Variants in TBC1D5 observed in about 807,000 individuals in gnomAD.
The protein encoded by TBC1D5 is TBC1 domain family member 5, also known as TBC1 domain family, member 5.
Under a neutral mutation model 100.3 loss-of-function variants are expected in TBC1D5, and 75 were observed. The observed-to-expected ratio is 0.75, with a 90% CI of 0.62 to 0.91. The LOEUF is 0.91. TBC1D5 is among the 40% of genes least tolerant of loss of function. The pLI is 0.00. For missense variants in TBC1D5, 910 were observed against 942.4 expected (o/e 0.97, Z 0.45); for synonymous variants, 323 against 325.6 (o/e 0.99, Z 0.09).
intron 8 of TBC1D5, among the ~76,000 whole-genome samples, chr3:17,401,307 C>G (rs2093638929): frequency 8.2e-6 from 1 of 122,448 alleles, no homozygotes; most frequent in African/African-American, 3.5e-5. Context: ...GTATAATACA[C>G]ATATATATGT....
At position 17,433,040 on chromosome 3, in the gene TBC1D5, C is replaced by T. The variant is rs538856994; in HGVS notation, c.98-4521G>A. Among the ~76,000 whole-genome samples, 169 of 152,230 alleles carry T rather than the reference C, an allele frequency of 1.1e-3. 1 individual carries two copies. The highest frequency in any genetic ancestry group is 3.9e-3 in the African/African-American group (160 of 41,530). On this transcript the variant is annotated intron_variant, in intron 3 of 21. Coordinates refer to ENST00000253692, the Ensembl canonical transcript of TBC1D5. ...TACACTTGCCCTTGCCCCACCCACC[C>T]CATCCCTGGCACTGTAGCAGTCTGG...
At chr3:17,378,921 C>T (rs1303992156) in intron 9 of TBC1D5, among the ~76,000 whole-genome samples, 1 of 151,754 alleles carries the variant, frequency 6.6e-6, no homozygotes, top group African/African-American at 2.4e-5. Flanking sequence ...CTGAATAACC[C>T]ATCTTCTCCC....
intron 4 of TBC1D5, chr3:17,406,729 A>G: frequency 1.9e-6 from 1 of 521,444 alleles, no homozygotes; most frequent in Non-Finnish European, 3.3e-6. Context: ...GTAGATAGCT[A>G]TAATTACGCC....
chr3:17,360,468 T>C (rs756500571), intron 13 of TBC1D5, among the ~76,000 whole-genome samples: 12 of 151,950 alleles, frequency 7.9e-5, no homozygotes, highest in Admixed American at 3.9e-4. Context: ...CCTTTTTATA[T>C]ATATATACCT....
At chr3:17,439,726 A>G (rs962329607) in intron 3 of TBC1D5, among the ~76,000 whole-genome samples, 1 of 152,218 alleles carries the variant, frequency 6.6e-6, no homozygotes, top group African/African-American at 2.4e-5. Flanking sequence ...ATTTTATGAT[A>G]ATGCATCTTT....
intron 8 of TBC1D5, among the ~76,000 whole-genome samples, chr3:17,396,656 ACTAAT>A (rs917266084): frequency 9.9e-5 from 15 of 152,100 alleles, no homozygotes; most frequent in African/African-American, 3.6e-4. Context: ...AAAATTCAAA[ACTAAT>A]CTAGTTTCCA....
intron 1 of TBC1D5, among the ~76,000 whole-genome samples, chr3:17,691,849 A>G (rs910898931): frequency 3.3e-5 from 5 of 151,840 alleles, no homozygotes; most frequent in Non-Finnish European, 7.4e-5. Flanking sequence ...AAGAAAGAAA[A>G]AAAGAAAATG....
chr3:17,324,185 G>C (rs2085785640), intron 13 of TBC1D5, among the ~76,000 whole-genome samples: 1 of 152,102 alleles, frequency 6.6e-6, no homozygotes, highest in Non-Finnish European at 1.5e-5. Context: ...ATGGATAACA[G>C]GCCTAAGGGC....
intron 1 of TBC1D5, among the ~76,000 whole-genome samples, chr3:17,624,945 T>A (rs1364954011): frequency 1.3e-5 from 2 of 152,114 alleles, no homozygotes; most frequent in Non-Finnish European, 2.9e-5. Context: ...ACAAATATAC[T>A]CTTAATACCA....
rs148069523 is a variant in TBC1D5 at position 17,678,749 on chromosome 3, TC to T, written c.-100-54837del. 8.3e-3 allele frequency among the ~76,000 whole-genome samples: 1,222 copies of T among 146,782 alleles called. 75 individuals carry two copies. Among genetic ancestry groups the T allele is most frequent in the African/African-American group, 0.03 (1,173 of 38,990 alleles). ...TGAAAGACATTTGCTCTTAAAAGGG[TC>T]CTCTGAAGATTCATTTAAAAAAATG... On this transcript the variant is annotated intron_variant, in intron 1 of 21. Coordinates refer to ENST00000253692, the Ensembl canonical transcript of TBC1D5.
chr3:17,609,189 T>C (rs1275880878), intron 2 of TBC1D5, among the ~76,000 whole-genome samples: 1 of 152,238 alleles, frequency 6.6e-6, no homozygotes, highest in Non-Finnish European at 1.5e-5. Context: ...TTATTTCACA[T>C]TTTATGAACT....
intron 9 of TBC1D5, among the ~76,000 whole-genome samples, chr3:17,383,357 C>A (rs1380830365): frequency 3.3e-5 from 5 of 151,720 alleles, no homozygotes; most frequent in Non-Finnish European, 1.5e-5. Context: ...GTAAATATAT[C>A]TGTATATATT....
At chr3:17,423,807 T>A (rs1392034843) in intron 4 of TBC1D5, among the ~76,000 whole-genome samples, 3 of 152,136 alleles carry the variant, frequency 2.0e-5, no homozygotes, top group Non-Finnish European at 4.4e-5. Flanking sequence ...CTACAATGAT[T>A]TATATTCTAT....
At chr3:17,400,744 G>A (rs2093624420) in intron 8 of TBC1D5, among the ~76,000 whole-genome samples, 1 of 152,100 alleles carries the variant, frequency 6.6e-6, no homozygotes. Flanking sequence ...AATAAAGCAG[G>A]CAGAAGAAGG....
At chr3:17,321,978 G>A (rs2085466145) in intron 13 of TBC1D5, among the ~76,000 whole-genome samples, 1 of 152,132 alleles carries the variant, frequency 6.6e-6, no homozygotes, top group African/African-American at 2.4e-5. Flanking sequence ...GAGTCTGCCT[G>A]ATTTACCATG....
At chr3:17,660,801 T>C (rs1309922472) in intron 1 of TBC1D5, among the ~76,000 whole-genome samples, 1 of 152,226 alleles carries the variant, frequency 6.6e-6, no homozygotes, top group Non-Finnish European at 1.5e-5. Flanking sequence ...TAAGGCAGAC[T>C]ATTTGGGAGT....
chr3:17,330,905 T>C (rs1171763400), intron 13 of TBC1D5, among the ~76,000 whole-genome samples: 2 of 152,156 alleles, frequency 1.3e-5, no homozygotes, highest in African/African-American at 4.8e-5. Flanking sequence ...CTCCTCAGTC[T>C]CAACTGATGT....
chr3:17,521,657 T>C (rs987564657), intron 2 of TBC1D5, among the ~76,000 whole-genome samples: 2 of 151,522 alleles, frequency 1.3e-5, no homozygotes, highest in Admixed American at 6.6e-5. Context: ...GTGCATAATT[T>C]GGGGGGGGAA....
At chr3:17,628,593 T>C (rs1186505494) in intron 1 of TBC1D5, among the ~76,000 whole-genome samples, 1 of 152,172 alleles carries the variant, frequency 6.6e-6, no homozygotes, top group Non-Finnish European at 1.5e-5. Context: ...AGTGTAACTA[T>C]CTGAAGAACC....
Sources: allele counts gnomAD v4.1 joint callset (sites outside exome capture counted in the v4.1 genomes callset), GRCh38; gene constraint gnomAD v4.1.1; transcripts MANE v1.5; gene names NCBI Gene and HGNC (gene_info 2026-07-23, HGNC 2026-07-21).